GALNT11: variants seen among roughly 807,000 people sequenced by gnomAD.
GALNT11 encodes UDP-GalNAc:polypeptide N-acetylgalactosaminyltransferase 11.
GALNT11 carries 47 observed loss-of-function variants against 72.7 expected under a neutral mutation model. That is an observed-to-expected ratio of 0.65 (90% confidence interval 0.51 to 0.82). The LOEUF (loss-of-function observed/expected upper bound fraction) is 0.82. Ranked by LOEUF, GALNT11 falls within the 40% of genes least tolerant of loss-of-function variation. The pLI is 0.00. For missense variants in GALNT11, 677 were observed against 778.4 expected, an observed-to-expected ratio of 0.87 and a Z score of 1.55; for synonymous variants, 270 against 286.6, an observed-to-expected ratio of 0.94 and a Z score of 0.58.
intron 1 of GALNT11, among the ~76,000 whole-genome samples, chr7:152,052,110 G>A (rs542203193): frequency 4.6e-5 from 7 of 152,020 alleles, no homozygotes; most frequent in South Asian, 4.2e-4. Flanking sequence ...AGAATTGTAC[G>A]GTATTTATCC....
intron 1 of GALNT11, among the ~76,000 whole-genome samples, chr7:152,047,687 C>CGTGTGTGTGTGTGTGTGTGTGTGT (rs141152865): frequency 4.8e-5 from 7 of 147,130 alleles, no homozygotes; most frequent in African/African-American, 1.7e-4. Flanking sequence ...ACAGTGACAC[C>CGTGTGTGTGTGTGTGTGTGTGTGT]GTGTGTGTGT....
At chr7:152,074,601 CTT>C (rs2084841960) in intron 1 of GALNT11, among the ~76,000 whole-genome samples, 1 of 151,816 alleles carries the variant, frequency 6.6e-6, no homozygotes, top group Non-Finnish European at 1.5e-5. Flanking sequence ...TTTTTTTCCT[CTT>C]TGAGTTGTAA....
Position 152,120,869 on chromosome 7 carries a change from T to C in GALNT11, c.1596T>C (p.Asn532=). 1 of 1,612,004 alleles carries C rather than the reference T, an allele frequency of 6.2e-7. No individual in the cohort carries two copies. Among genetic ancestry groups the C allele is most frequent in the Non-Finnish European group, 8.5e-7 (1 of 1,178,196 alleles). ...ATGAAGAGCATGAATTGGTTTTAAA[T>C]AGTCTCCTTTGTCTAGATATGTCAG... ...IYNEEHELVL[N]SLLCLDMSET... Residue 532 remains asparagine, a synonymous_variant, in exon 11 of 12, where the codon AAT becomes AAC. Coordinates refer to ENST00000430044, the MANE Select transcript of GALNT11 (RefSeq NM_022087.4).
chr7:152,109,447 G>T (rs1355896796), intron 6 of GALNT11, among the ~76,000 whole-genome samples: 1 of 151,902 alleles, frequency 6.6e-6, no homozygotes, highest in Non-Finnish European at 1.5e-5. Context: ...ATTTTTTTTG[G>T]TCTTGTTTTT....
chr7:152,118,922 T>C (rs1297198646), intron 10 of GALNT11, 140 bp downstream of exon 10: 4 of 587,112 alleles, frequency 6.8e-6, no homozygotes, highest in Non-Finnish European at 1.1e-5. Context: ...TGTTGCGTTA[T>C]TGGAACGCTA....
At chr7:152,064,917 G>A (rs1051261860) in intron 1 of GALNT11, among the ~76,000 whole-genome samples, 3 of 152,156 alleles carry the variant, frequency 2.0e-5, no homozygotes, top group Non-Finnish European at 4.4e-5. Flanking sequence ...TGGTGAATCC[G>A]CCAATTATGT....
intron 1 of GALNT11, among the ~76,000 whole-genome samples, chr7:152,048,600 A>G (rs2083255408): frequency 6.6e-6 from 1 of 150,472 alleles, no homozygotes; most frequent in African/African-American, 2.5e-5. Context: ...TGCGATCTCA[A>G]CTCACTGCAA....
Position 152,039,221 on chromosome 7 carries a change from C to A in GALNT11, c.-39+13337C>A, listed in dbSNP as rs191741184. 1.5e-3 allele frequency among the ~76,000 whole-genome samples: 235 copies of A among 152,330 alleles called. 1 individual carries two copies. The highest frequency in any genetic ancestry group is 4.1e-3 in the Admixed American group (63 of 15,300). On this transcript the variant is annotated intron_variant, in intron 1 of 11. Coordinates refer to ENST00000430044, the MANE Select transcript of GALNT11 (RefSeq NM_022087.4). Reference sequence around the variant, plus strand: ...TTCCATAGGAATCACTGCACAGCACCTCTGCCTGTTCTGCAATGCAATTTT... The same window carrying A: ...TTCCATAGGAATCACTGCACAGCACATCTGCCTGTTCTGCAATGCAATTTT...
chr7:152,066,669 A>T (rs1487386200), intron 1 of GALNT11, among the ~76,000 whole-genome samples: 1 of 152,200 alleles, frequency 6.6e-6, no homozygotes, highest in Admixed American at 6.5e-5. Context: ...TTGTAGGGTT[A>T]TTAATTGTCT....
chr7:152,098,514 G>T (rs2086542186), intron 2 of GALNT11, among the ~76,000 whole-genome samples: 1 of 151,974 alleles, frequency 6.6e-6, no homozygotes, highest in Non-Finnish European at 1.5e-5. Flanking sequence ...ATTGAAAAGG[G>T]TCCTCTGGCA....
intron 1 of GALNT11, among the ~76,000 whole-genome samples, chr7:152,047,760 T>C (rs2083211257): frequency 6.6e-6 from 1 of 151,998 alleles, no homozygotes; most frequent in South Asian, 2.1e-4. Context: ...TAAATAAATA[T>C]ATTTTACCTT....
At chr7:152,039,580 G>A (rs528936241) in intron 1 of GALNT11, among the ~76,000 whole-genome samples, 1 of 151,914 alleles carries the variant, frequency 6.6e-6, no homozygotes, top group Admixed American at 6.5e-5. Context: ...TCTGTCCCCA[G>A]GTGGGTGGCT....
intron 1 of GALNT11, among the ~76,000 whole-genome samples, chr7:152,049,647 C>T (rs2083298125): frequency 6.6e-6 from 1 of 152,152 alleles, no homozygotes; most frequent in African/African-American, 2.4e-5. Context: ...TATATTTGCT[C>T]AAGGCCCTAA....
chr7:152,035,559 C>T (rs1019670673), intron 1 of GALNT11, among the ~76,000 whole-genome samples: 1 of 152,170 alleles, frequency 6.6e-6, no homozygotes, highest in Non-Finnish European at 1.5e-5. Context: ...TGTCGACCCT[C>T]GGCTCAGCCC....
At chr7:152,121,429 G>T in intron 11 of GALNT11, 117 bp from the exon 12 acceptor site, 1 of 1,257,910 alleles carries the variant, frequency 7.9e-7, no homozygotes, top group Middle Eastern at 2.0e-4. Context: ...CTAACCTTTG[G>T]CTAAGAGGGG....
intron 1 of GALNT11, among the ~76,000 whole-genome samples, chr7:152,039,733 T>A (rs1158326269): frequency 6.6e-6 from 1 of 152,184 alleles, no homozygotes; most frequent in Non-Finnish European, 1.5e-5. Context: ...GTTTTGATGG[T>A]ATCCAAATCG....
chr7:152,037,304 T>C, intron 1 of GALNT11, among the ~76,000 whole-genome samples: 1 of 152,208 alleles, frequency 6.6e-6, no homozygotes, highest in Non-Finnish European at 1.5e-5. Flanking sequence ...CGCAGCACCA[T>C]TTATTGAAGA....
chr7:152,060,626 C>G (rs548193197), intron 1 of GALNT11, among the ~76,000 whole-genome samples: 116 of 152,084 alleles, frequency 7.6e-4, no homozygotes, highest in African/African-American at 1.4e-3. Flanking sequence ...CCCTCCCCCC[C>G]CTCCACCCCA....
chr7:152,094,494 A>G lies in GALNT11; in HGVS notation c.267A>G (p.Glu89=). The change falls in exon 2 of 12, where the codon GAA becomes GAG. Residue 89 remains glutamate, a synonymous_variant. Coordinates refer to ENST00000430044, the MANE Select transcript of GALNT11 (RefSeq NM_022087.4). This position sits in a 1 kb window ranked among gnomAD's most constrained non-coding sequence, Gnocchi z 4.3. ...ACAGTCGTGTTGAAGATCCAGAAGAAGGCCACTTGAAATTCTCTTCTGAAT... is the reference window on the plus strand; with the variant it reads ...ACAGTCGTGTTGAAGATCCAGAAGAGGGCCACTTGAAATTCTCTTCTGAAT... ...VIDSRVEDPE[E]GHLKFSSELG... 1 of 1,611,756 alleles carries G rather than the reference A, an allele frequency of 6.2e-7. No homozygotes were observed. The highest frequency in any genetic ancestry group is 8.5e-7 in the Non-Finnish European group (1 of 1,178,466).
Sources: allele counts gnomAD v4.1 joint callset (sites outside exome capture counted in the v4.1 genomes callset), GRCh38; gene constraint gnomAD v4.1.1; non-coding constraint Gnocchi (gnomAD v3.1); transcripts MANE v1.5; gene names NCBI Gene and HGNC (gene_info 2026-07-23, HGNC 2026-07-21).